Variants in CD40LG observed in about 807,000 individuals in gnomAD.
CD40LG encodes CD40 antigen ligand.
A neutral mutation model predicts 17.2 loss-of-function variants in CD40LG; 1 was observed. The ratio of observed to expected loss-of-function variants is 0.06; its 90% CI spans 0.02 to 0.28. The LOEUF (loss-of-function observed/expected upper bound fraction) is 0.28. Among genes scored for constraint, CD40LG ranks in the 10% least tolerant of loss-of-function variants. The pLI is 1.00. For synonymous variants in CD40LG, 66 were observed against 74.4 expected, an observed-to-expected ratio of 0.89 and a Z score of 0.58; for missense variants, 133 against 193.2, an observed-to-expected ratio of 0.69 and a Z score of 1.85.
Position 136,656,343 on chromosome X carries a change from G to C in CD40LG, c.347-13G>C. The C allele has an allele frequency of 2.5e-6, 3 of 1,201,004 alleles. No individual in the cohort carries two copies. The highest frequency in any genetic ancestry group is 3.4e-6 in the Non-Finnish European group (3 of 885,766). Reference sequence around the variant, plus strand: ...GCATTATTTTAGCCTGACAGTTTTTGGTTCCATTTCAGGTGATCAGAATCC... The same window carrying C: ...GCATTATTTTAGCCTGACAGTTTTTCGTTCCATTTCAGGTGATCAGAATCC... On this transcript the variant is annotated splice_polypyrimidine_tract_variant and intron_variant, in intron 3 of 4. Coordinates refer to ENST00000370629, the MANE Select transcript of CD40LG (RefSeq NM_000074.3).
intron 2 of CD40LG, 135 bp downstream of exon 2, chrX:136,650,532 C>T: frequency 7.2e-6 from 4 of 553,357 alleles, no homozygotes; most frequent in South Asian, 5.2e-5. Flanking sequence ...CATATATATG[C>T]ATGCAGATAT....
intron 2 of CD40LG, 95 bp downstream of exon 2, chrX:136,650,492 T>A (rs1432892355): frequency 1.3e-6 from 1 of 786,823 alleles, no homozygotes; most frequent in African/African-American, 2.2e-5. Flanking sequence ...AAAGATTGGT[T>A]ATAGACACAG....
In CD40LG at chrX:136,659,502, G is replaced by A; in HGVS notation, c.*87G>A. ...CGGTTAAGCCCACCCCCTGTTAACT[G>A]CCTATTTATAACCCTAGGATCCTCC... On this transcript the variant is annotated 3_prime_UTR_variant, in exon 5 of 5. Transcript: ENST00000370629. 1 of 958,155 alleles carries A rather than the reference G, an allele frequency of 1.0e-6. No individual in the cohort carries two copies. The highest frequency in any genetic ancestry group is 1.5e-6 in the Non-Finnish European group (1 of 679,319). 79.0% of individuals were successfully genotyped at this position (958,155 alleles called of 1,213,427 possible). A position where few individuals can be genotyped will look rare whatever the true frequency, so the allele number is the denominator to read the frequency against.
intron 4 of CD40LG, among the ~76,000 whole-genome samples, chrX:136,657,219 G>A (rs3092927): frequency 0.19 from 20,764 of 110,999 alleles, 2,356 homozygotes; most frequent in African/African-American, 0.42. Flanking sequence ...TGTGTGACAG[G>A]GAGAGAAAGA....
intron 4 of CD40LG, among the ~76,000 whole-genome samples, chrX:136,657,194 G>A (rs2076121611): frequency 8.9e-6 from 1 of 111,901 alleles, no homozygotes; most frequent in Non-Finnish European, 1.9e-5. Flanking sequence ...GCATGTGTGT[G>A]TGCATATGTG....
intron 4 of CD40LG, among the ~76,000 whole-genome samples, chrX:136,657,385 C>T (rs2076122218): frequency 9.0e-6 from 1 of 111,567 alleles, no homozygotes; most frequent in African/African-American, 3.3e-5. Flanking sequence ...GATTCAAGGA[C>T]CATGACCACT....
chrX:136,654,651 G>A (rs1158982865), intron 3 of CD40LG, among the ~76,000 whole-genome samples: 2 of 111,680 alleles, frequency 1.8e-5, no homozygotes, highest in South Asian at 3.7e-4. Context: ...CTTTAATGCC[G>A]ATGATACCAA....
In CD40LG at chrX:136,648,374, T is replaced by C; in HGVS notation, c.126T>C (p.Phe42=). 1 of 1,210,972 alleles carries C rather than the reference T, an allele frequency of 8.3e-7. No individual in the cohort carries two copies. The highest frequency in any genetic ancestry group is 1.1e-6 in the Non-Finnish European group (1 of 894,493). The change falls in exon 1 of 5, where the codon TTT becomes TTC. Residue 42 remains phenylalanine, a synonymous_variant. Coordinates refer to ENST00000370629, the MANE Select transcript of CD40LG (RefSeq NM_000074.3). ...LITQMIGSAL[F]AVYLHRRLDK... is the part of the protein sequence containing the mutation. ...CCCAGATGATTGGGTCAGCACTTTTTGCTGTGTATCTTCATAGAAGGTTGG... is the reference window on the plus strand; with the variant it reads ...CCCAGATGATTGGGTCAGCACTTTTCGCTGTGTATCTTCATAGAAGGTTGG...
chrX:136,649,450 G>A (rs1282173122), intron 1 of CD40LG, among the ~76,000 whole-genome samples: 1 of 112,304 alleles, frequency 8.9e-6, no homozygotes, highest in Non-Finnish European at 1.9e-5. Context: ...GGTCTGGTTG[G>A]TTATTTGTGT....
At chrX:136,653,412 G>T in intron 2 of CD40LG, among the ~76,000 whole-genome samples, 1 of 112,649 alleles carries the variant, frequency 8.9e-6, no homozygotes, top group Non-Finnish European at 1.9e-5. Context: ...GTGGGAAGGA[G>T]CACAGGACTT....
At chrX:136,656,009 C>T (rs917723212) in intron 3 of CD40LG, among the ~76,000 whole-genome samples, 1 of 112,142 alleles carries the variant, frequency 8.9e-6, no homozygotes, top group Non-Finnish European at 1.9e-5. Context: ...AGTGTGCAGA[C>T]TTTGGAGCCC....
chrX:136,653,969 A>C (rs2076111658), intron 2 of CD40LG, among the ~76,000 whole-genome samples: 1 of 112,005 alleles, frequency 8.9e-6, no homozygotes, highest in African/African-American at 3.2e-5. Flanking sequence ...TAATAGATAC[A>C]CACCATGCTT....
intron 4 of CD40LG, among the ~76,000 whole-genome samples, chrX:136,657,496 C>T (rs1471231396): frequency 9.0e-6 from 1 of 111,550 alleles, no homozygotes; most frequent in Non-Finnish European, 1.9e-5. Flanking sequence ...GCTAATGTGG[C>T]CGAAAGTGAT....
chrX:136,650,796 G>A lies in CD40LG; in HGVS notation c.288+399G>A, dbSNP rs905949582. ...CCCAGGGAAGCAATAGCCGTCAACAGCTGCCGTGGCAGCAGGCCACAAGTG... is the reference window on the plus strand; with the variant it reads ...CCCAGGGAAGCAATAGCCGTCAACAACTGCCGTGGCAGCAGGCCACAAGTG... On this transcript the variant is annotated intron_variant, in intron 2 of 4. Coordinates refer to ENST00000370629, the MANE Select transcript of CD40LG (RefSeq NM_000074.3). Among the ~76,000 whole-genome samples, 4 of 111,692 alleles carry A rather than the reference G, an allele frequency of 3.6e-5. No homozygotes were observed. In the East Asian group the frequency reaches 1.1e-3, roughly 31 times the overall value.
At chrX:136,650,457 C>T (rs1343182714) in intron 2 of CD40LG, 60 bp downstream of exon 2, 10 of 1,053,121 alleles carry the variant, frequency 9.5e-6, no homozygotes, top group Admixed American at 6.6e-5. Context: ...TTTGCTAGAT[C>T]GGGAAACTGA....
intron 1 of CD40LG, among the ~76,000 whole-genome samples, chrX:136,648,752 T>C (rs1337339442): frequency 8.9e-6 from 1 of 112,214 alleles, no homozygotes; most frequent in African/African-American, 3.2e-5. Context: ...GTCTGATACA[T>C]AGTAAGCACT....
At chrX:136,648,534 C>T (rs1260593860) in intron 1 of CD40LG, 130 bp downstream of exon 1, 2 of 621,712 alleles carry the variant, frequency 3.2e-6, no homozygotes, top group Non-Finnish European at 5.3e-6. Context: ...ATGTTTGTTG[C>T]CTAGTCAATG....
Position 136,656,414 on chromosome X carries a change from A to G in CD40LG, c.405A>G (p.Thr135=). ...TAAGTGAGGCCAGCAGTAAAACAAC[A>G]TCTGGTAAGTCACACAGCATCTGAG... is the stretch of plus-strand genomic sequence containing the variant. ...HVISEASSKT[T]SVLQWAEKGY... Residue 135 remains threonine (T), a synonymous_variant, in exon 4 of 5, where the codon ACA becomes ACG. Transcript: ENST00000370629. 3 of 1,204,372 alleles carry G rather than the reference A, an allele frequency of 2.5e-6. No homozygotes were observed. The highest frequency in any genetic ancestry group is 3.4e-6 in the Non-Finnish European group (3 of 888,801).
chrX:136,659,006 C>T, intron 4 of CD40LG, 33 bp from the exon 5 acceptor site: 1 of 1,204,588 alleles, frequency 8.3e-7, no homozygotes, highest in Non-Finnish European at 1.1e-6. Flanking sequence ...CTCTGCTTCA[C>T]CTCACCACAA....
Sources: allele counts gnomAD v4.1 joint callset (sites outside exome capture counted in the v4.1 genomes callset), GRCh38; gene constraint gnomAD v4.1.1; transcripts MANE v1.5; gene names NCBI Gene and HGNC (gene_info 2026-07-23, HGNC 2026-07-21).